TMEM132D: variants seen among roughly 807,000 people sequenced by gnomAD.
The protein encoded by TMEM132D is mature OL transmembrane protein.
Under a neutral mutation model 62.3 loss-of-function variants are expected in TMEM132D, and 21 were observed. That is an observed-to-expected ratio of 0.34 (90% CI 0.24 to 0.49). The LOEUF (loss-of-function observed/expected upper bound fraction) is 0.49, where lower values mean the gene tolerates loss of function less well. TMEM132D is among the 20% of genes least tolerant of loss of function. TMEM132D has a pLI of 0.99. For synonymous variants in TMEM132D, 621 were observed against 575.6 expected (o/e 1.08, Z -1.13); for missense variants, 1,346 against 1,402.8 (o/e 0.96, Z 0.65).
At chr12:129,748,187 C>T (rs1000675281) in intron 1 of TMEM132D, among the ~76,000 whole-genome samples, 7 of 152,162 alleles carry the variant, frequency 4.6e-5, no homozygotes, top group African/African-American at 1.7e-4. Context: ...CCATCTCTGC[C>T]TGCTGGAATT....
chr12:129,800,730 AACAGCTCCGGTCT>A (rs1871743772), intron 1 of TMEM132D, among the ~76,000 whole-genome samples: 1 of 152,046 alleles, frequency 6.6e-6, no homozygotes, highest in African/African-American at 2.4e-5. Context: ...GCCGAATAGG[AACAGCTCCGGTCT>A]ACAGCTCCCA....
intron 4 of TMEM132D, chr12:129,212,059 C>T (rs1234807694): frequency 6.6e-6 from 1 of 152,178 alleles, no homozygotes; most frequent in Non-Finnish European, 1.5e-5. Flanking sequence ...AGGAGAGAGA[C>T]AGACGAGGGA....
chr12:129,755,011 A>T (rs1870120042), intron 1 of TMEM132D, among the ~76,000 whole-genome samples: 1 of 152,206 alleles, frequency 6.6e-6, no homozygotes, highest in South Asian at 2.1e-4. Flanking sequence ...GAATCAAAGC[A>T]GTTGGTAACT....
At chr12:129,287,343 G>A (rs1173739360) in intron 4 of TMEM132D, among the ~76,000 whole-genome samples, 1 of 152,142 alleles carries the variant, frequency 6.6e-6, no homozygotes, top group Non-Finnish European at 1.5e-5. Flanking sequence ...TTAATAAACA[G>A]GAAGGGAATG....
intron 3 of TMEM132D, among the ~76,000 whole-genome samples, chr12:129,394,972 A>G (rs1381719707): frequency 6.6e-6 from 1 of 152,166 alleles, no homozygotes; most frequent in East Asian, 1.9e-4. Flanking sequence ...GGTGAATTTT[A>G]TGGAATGTAA....
chr12:129,808,666 TGAAACCAA>T (rs990696217), intron 1 of TMEM132D, among the ~76,000 whole-genome samples: 2 of 152,128 alleles, frequency 1.3e-5, no homozygotes, highest in Non-Finnish European at 2.9e-5. Context: ...TTTTCAAACC[TGAAACCAA>T]GAAACCAAGA....
intron 2 of TMEM132D, among the ~76,000 whole-genome samples, chr12:129,669,713 AAAATAAAT>A (rs577335656): frequency 7.3e-5 from 11 of 149,738 alleles, no homozygotes; most frequent in African/African-American, 1.2e-4. Context: ...TCAAGAAATA[AAAATAAAT>A]AAATAAATAA....
rs151284423 is a variant in TMEM132D, at chr12:129,453,632, G to T, written c.1115+77427C>A. Among the ~76,000 whole-genome samples, 22 of 152,262 alleles carry T rather than the reference G, an allele frequency of 1.4e-4. No individual in the cohort carries two copies. The South Asian group carries it at 4.1e-3, about 29-fold the overall frequency. On this transcript the variant is annotated intron_variant, in intron 3 of 8. Transcript: ENST00000422113. Reference sequence around the variant, plus strand: ...CTTCTCTCCAACTTCACCTGTGCACGAACGCTGACTGCTGTGGGCAGGCCC... The same window carrying T: ...CTTCTCTCCAACTTCACCTGTGCACTAACGCTGACTGCTGTGGGCAGGCCC...
chr12:129,500,612 G>C (rs187774650), intron 3 of TMEM132D, among the ~76,000 whole-genome samples: 1 of 152,270 alleles, frequency 6.6e-6, no homozygotes, highest in Admixed American at 6.5e-5. Context: ...TTCAACTTTT[G>C]ATAAACACAA....
At position 129,245,902 on chromosome 12, in the gene TMEM132D, A is replaced by G. The variant is rs1000478878; in HGVS notation, c.1300-36239T>C. On this transcript the variant is annotated intron_variant, in intron 4 of 8. Transcript: ENST00000422113. ...ATAAAGATGTTTCATGTAAAAATAC[A>G]CAATTCTGGCTTTTACGAAAAAACT... Among the ~76,000 whole-genome samples the G allele has an allele frequency of 5.3e-5, 8 of 152,352 alleles. No individual in the cohort carries two copies. In the South Asian group the frequency reaches 1.0e-3, roughly 20 times the overall value.
intron 3 of TMEM132D, chr12:129,522,513 G>C (rs1875878713): frequency 6.6e-6 from 1 of 152,122 alleles, no homozygotes; most frequent in Non-Finnish European, 1.5e-5. Flanking sequence ...GGAAACTGGA[G>C]GTTTCGGCAA....
At position 129,426,339 on chromosome 12, in the gene TMEM132D, C is replaced by T. The variant is rs192870033; in HGVS notation, c.1116-88522G>A. 7.1e-3 allele frequency among the ~76,000 whole-genome samples: 1,074 copies of T among 152,260 alleles called. 9 individuals are homozygous for T. The highest frequency in any genetic ancestry group is 0.035 in the South Asian group (167 of 4,820). ...AGACAAGCAAAACCTCTCCAGAAAC[C>T]GCTGGGGAACTGTTTCCTACGACCA... On this transcript the variant is annotated intron_variant, in intron 3 of 8. Coordinates refer to ENST00000422113, the MANE Select transcript of TMEM132D (RefSeq NM_133448.3).
At chr12:129,309,690 G>C (rs898767676) in intron 4 of TMEM132D, among the ~76,000 whole-genome samples, 1 of 152,094 alleles carries the variant, frequency 6.6e-6, no homozygotes, top group African/African-American at 2.4e-5. Context: ...CATTAGGAGA[G>C]CAAGGTGTCG....
intron 3 of TMEM132D, among the ~76,000 whole-genome samples, chr12:129,348,216 A>G (rs1254257222): frequency 6.6e-6 from 1 of 152,202 alleles, no homozygotes; most frequent in African/African-American, 2.4e-5. Flanking sequence ...TATATACCCA[A>G]GGGATTATAA....
chr12:129,365,863 G>C (rs999796197), intron 3 of TMEM132D, among the ~76,000 whole-genome samples: 1 of 151,866 alleles, frequency 6.6e-6, no homozygotes, highest in Non-Finnish European at 1.5e-5. Context: ...GTGCCGCAGG[G>C]GGGCAGCCCA....
At chr12:129,615,395 T>C (rs1225626288) in intron 2 of TMEM132D, among the ~76,000 whole-genome samples, 1 of 151,744 alleles carries the variant, frequency 6.6e-6, no homozygotes, top group Non-Finnish European at 1.5e-5. Context: ...GTCACAGATA[T>C]GGTGACTTTG....
intron 3 of TMEM132D, among the ~76,000 whole-genome samples, chr12:129,352,130 C>A (rs544575773): frequency 1.7e-3 from 253 of 152,276 alleles, no homozygotes; most frequent in Non-Finnish European, 2.7e-3. Context: ...GGAAGTTGGG[C>A]ATTCCCAGCC....
At chr12:129,692,443 A>T (rs2137217862) in intron 2 of TMEM132D, among the ~76,000 whole-genome samples, 1 of 152,340 alleles carries the variant, frequency 6.6e-6, no homozygotes, top group African/African-American at 2.4e-5. Context: ...TGCACATTAG[A>T]TCTTTGTCAG....
At chr12:129,361,329 G>A (rs1403678213) in intron 3 of TMEM132D, among the ~76,000 whole-genome samples, 4 of 152,120 alleles carry the variant, frequency 2.6e-5, no homozygotes, top group Non-Finnish European at 5.9e-5. Flanking sequence ...CCCTCTTCCT[G>A]CCCAATGTCT....
Sources: allele counts gnomAD v4.1 joint callset (sites outside exome capture counted in the v4.1 genomes callset), GRCh38; gene constraint gnomAD v4.1.1; transcripts MANE v1.5; gene names NCBI Gene and HGNC (gene_info 2026-07-23, HGNC 2026-07-21).